The following PMFBP1 variants were observed in gnomAD, a reference collection of about 807,000 sequenced individuals.
The protein encoded by PMFBP1 is polyamine modulated factor 1 binding protein 1.
In PMFBP1, 131 loss-of-function variants were observed where a neutral mutation model predicts 137.8. That is an observed-to-expected ratio of 0.95 (90% CI 0.82 to 1.10). The LOEUF is 1.10. PMFBP1 is among the 50% of genes least tolerant of loss of function. The probability of loss-of-function intolerance (pLI) is 0.00; values close to 1 mark genes in which losing one functional copy is unlikely to be tolerated. For synonymous variants in PMFBP1, 490 were observed against 450.4 expected (o/e 1.09, Z -1.11); for missense variants, 1,199 against 1,175.4 (o/e 1.02, Z -0.29).
chr16:72,160,374 C>G (rs1333812397), intron 3 of PMFBP1, among the ~76,000 whole-genome samples: 1 of 152,168 alleles, frequency 6.6e-6, no homozygotes, highest in Non-Finnish European at 1.5e-5. Flanking sequence ...CAGGGACTTT[C>G]TTTATCCTTT....
At chr16:72,226,444 A>G in the PMFBP1 span, among the ~76,000 whole-genome samples, 1 of 152,162 alleles carries the variant, frequency 6.6e-6, no homozygotes, top group African/African-American at 2.4e-5. Flanking sequence ...GTTAATTTTC[A>G]TTAAAATGAC....
chr16:72,136,393 G>A (rs2042631618), intron 9 of PMFBP1, 55 bp downstream of exon 9: 1 of 1,577,530 alleles, frequency 6.3e-7, no homozygotes, highest in South Asian at 1.2e-5. Context: ...TTAATGCCAG[G>A]ACATGGCCTC....
intron 2 of PMFBP1, among the ~76,000 whole-genome samples, chr16:72,165,477 C>T (rs1215333006): frequency 1.3e-5 from 2 of 151,178 alleles, no homozygotes; most frequent in Admixed American, 6.6e-5. Context: ...TGCAGCGGCA[C>T]GATCTAGGCT....
Position 72,136,709 on chromosome 16 carries a change from CT to C in PMFBP1, c.1028del (p.Lys343ArgfsTer5), listed in dbSNP as rs1197533590. The C allele has an allele frequency of 6.2e-7, 1 of 1,614,042 alleles. No individual in the cohort carries two copies. The highest frequency in any genetic ancestry group is 8.5e-7 in the Non-Finnish European group (1 of 1,180,040). ...RVELEAVSEQ[K>X]RNIMKDMMKL... Reference sequence around the variant, plus strand: ...CCAGTTTACCCTTCATGATGTTTCTCTTCTGTTCCGACACGGCCTCTAGTTC... The same window carrying C: ...CCAGTTTACCCTTCATGATGTTTCTCTCTGTTCCGACACGGCCTCTAGTTC... On this transcript the variant is annotated frameshift_variant, in exon 8 of 21. Transcript: ENST00000237353. LOFTEE classifies it high-confidence loss of function.
the PMFBP1 span, among the ~76,000 whole-genome samples, chr16:72,245,801 A>G: frequency 6.7e-6 from 1 of 150,132 alleles, no homozygotes; most frequent in Non-Finnish European, 1.5e-5. Flanking sequence ...TCTCTCCTTC[A>G]CTCTCTCTCT....
the PMFBP1 span, among the ~76,000 whole-genome samples, chr16:72,204,423 A>G: frequency 6.6e-6 from 1 of 152,108 alleles, no homozygotes; most frequent in South Asian, 2.1e-4. Context: ...ACTGGTCTCA[A>G]AACTCCTGGG....
At chr16:72,247,300 C>T in the PMFBP1 span, among the ~76,000 whole-genome samples, 1 of 152,092 alleles carries the variant, frequency 6.6e-6, no homozygotes, top group Admixed American at 6.5e-5. Context: ...TTAGAAAAAC[C>T]AGGAGAGAAA....
chr16:72,235,588 A>G, the PMFBP1 span, among the ~76,000 whole-genome samples: 9 of 151,994 alleles, frequency 5.9e-5, no homozygotes, highest in East Asian at 1.7e-3. Context: ...ATTGTGTTGA[A>G]TCTGTAGATC....
At chr16:72,163,809 A>C (rs928586706) in intron 3 of PMFBP1, among the ~76,000 whole-genome samples, 3 of 152,100 alleles carry the variant, frequency 2.0e-5, no homozygotes, top group African/African-American at 7.2e-5. Context: ...TTCCAAGTGA[A>C]GTAACTCAGG....
intron 3 of PMFBP1, among the ~76,000 whole-genome samples, chr16:72,158,306 C>T (rs1380525138): frequency 3.3e-5 from 5 of 152,118 alleles, no homozygotes; most frequent in Non-Finnish European, 7.4e-5. Context: ...CTAAGTTGTT[C>T]TAAGTTGAAC....
At chr16:72,162,921 G>T (rs1172136443) in intron 3 of PMFBP1, among the ~76,000 whole-genome samples, 1 of 152,162 alleles carries the variant, frequency 6.6e-6, no homozygotes, top group East Asian at 1.9e-4. Flanking sequence ...GGAAACTGGT[G>T]GATTTTTCTC....
chr16:72,190,042 T>C, the PMFBP1 span, among the ~76,000 whole-genome samples: 1 of 152,074 alleles, frequency 6.6e-6, no homozygotes, highest in Admixed American at 6.6e-5. Context: ...AAAACCAATC[T>C]TAGGTTCTAC....
rs148700195 is a variant in PMFBP1, at chr16:72,154,423, A to C, written c.202T>G (p.Ser68Ala). The C allele has an allele frequency of 6.2e-7, 1 of 1,613,844 alleles. No homozygotes were observed. Among genetic ancestry groups the C allele is most frequent in the Non-Finnish European group, 8.5e-7 (1 of 1,179,976 alleles). The change falls in exon 4 of 21, where the codon TCA (serine) becomes GCA (alanine). Residue 68 changes from serine (S) to alanine (A), a missense_variant. Coordinates refer to ENST00000237353, the MANE Select transcript of PMFBP1 (RefSeq NM_031293.3). Reference protein sequence around the residue: ...KQAQALAFEESEVEFGSSKQC... With the variant: ...KQAQALAFEEAEVEFGSSKQC... ...TTACTGGACCCAAATTCCACCTCTGACTCCTCGAATGCTAATGCCTGTGCT... is the reference window on the plus strand; with the variant it reads ...TTACTGGACCCAAATTCCACCTCTGCCTCCTCGAATGCTAATGCCTGTGCT...
intron 2 of PMFBP1, among the ~76,000 whole-genome samples, chr16:72,167,937 T>C (rs1383057896): frequency 6.6e-6 from 1 of 152,214 alleles, no homozygotes; most frequent in Admixed American, 6.5e-5. Context: ...AATAAAAATA[T>C]CCTTTCTCCC....
chr16:72,180,351 C>G (rs2043271879), upstream of PMFBP1, among the ~76,000 whole-genome samples: 1 of 152,164 alleles, frequency 6.6e-6, no homozygotes, highest in Admixed American at 6.5e-5. Flanking sequence ...TCTGCCTCCA[C>G]TGGTGTTAAG....
chr16:72,142,540 T>G (rs1046842156), intron 5 of PMFBP1, among the ~76,000 whole-genome samples: 1 of 152,242 alleles, frequency 6.6e-6, no homozygotes, highest in African/African-American at 2.4e-5. Flanking sequence ...AGCAGTATCT[T>G]TGAAGACTTA....
chr16:72,135,947 G>T (rs891841648), intron 9 of PMFBP1, among the ~76,000 whole-genome samples: 2 of 150,958 alleles, frequency 1.3e-5, no homozygotes, highest in African/African-American at 4.9e-5. Context: ...TAGAGACGGG[G>T]TTTCATCATG....
chr16:72,194,395 C>T, the PMFBP1 span, among the ~76,000 whole-genome samples: 2 of 152,130 alleles, frequency 1.3e-5, no homozygotes, highest in Non-Finnish European at 2.9e-5. Context: ...GGGCTTTCTT[C>T]CATCCTTAGA....
chr16:72,156,121 G>A (rs879796999), intron 3 of PMFBP1, among the ~76,000 whole-genome samples: 4 of 151,986 alleles, frequency 2.6e-5, no homozygotes, highest in Non-Finnish European at 5.9e-5. Flanking sequence ...GGAGTAGCTG[G>A]GATTACAGGT....
Sources: allele counts gnomAD v4.1 joint callset (sites outside exome capture counted in the v4.1 genomes callset), GRCh38; gene constraint gnomAD v4.1.1; transcripts MANE v1.5; gene names NCBI Gene and HGNC (gene_info 2026-07-23, HGNC 2026-07-21).